Variants in AKT2 observed in about 807,000 individuals in gnomAD.
AKT2 encodes the protein AKT serine/threonine kinase 2, also known as RAC-beta serine/threonine-protein kinase.
Under a neutral mutation model 58.6 loss-of-function variants are expected in AKT2, and 16 were observed. The ratio of observed to expected loss-of-function variants is 0.27; its 90% CI spans 0.18 to 0.41. The LOEUF is 0.41. AKT2 is among the 10% of genes least tolerant of loss of function. The probability of loss-of-function intolerance (pLI) is 1.00; values close to 1 mark genes in which losing one functional copy is unlikely to be tolerated. For missense variants in AKT2, 438 were observed against 661.0 expected, an observed-to-expected ratio of 0.66 and a Z score of 3.70; for synonymous variants, 253 against 254.0, an observed-to-expected ratio of 1.00 and a Z score of 0.04.
At chr19:40,253,002 G>A (rs1301646622) in intron 4 of AKT2, among the ~76,000 whole-genome samples, 1 of 152,162 alleles carries the variant, frequency 6.6e-6, no homozygotes, top group Non-Finnish European at 1.5e-5. Flanking sequence ...AATAATTATA[G>A]TATAGATTAT....
rs1227008931 is a variant in AKT2 at position 40,237,223 on chromosome 19, T to C, written c.831+746A>G. The C allele has an allele frequency of 6.5e-6, 1 of 153,924 alleles. No homozygotes were observed. Among genetic ancestry groups the C allele is most frequent in the Non-Finnish European group, 1.4e-5 (1 of 69,314 alleles). 9.5% of individuals were successfully genotyped at this position (153,924 alleles called of 1,614,324 possible). ...CAGTGGATACTTGGGTTGTTCCAGT[T>C]GGGGCTAGAGTAAGTCCTGCTGCTG... On this transcript the variant is annotated intron_variant, in intron 9 of 13. Coordinates refer to ENST00000392038, the MANE Select transcript of AKT2 (RefSeq NM_001626.6). This position sits in a 1 kb window ranked among gnomAD's most constrained non-coding sequence, Gnocchi z 4.5.
At position 40,230,868 on chromosome 19, in the gene AKT2, T is replaced by A. The variant is rs1208679809; in HGVS notation, c.*3004A>T. Reference sequence around the variant, plus strand: ...TCCAAGTTAGCTGGGATTGCAGGCATGCACCACCATGCCCAGCTAATTTTT... The same window carrying A: ...TCCAAGTTAGCTGGGATTGCAGGCAAGCACCACCATGCCCAGCTAATTTTT... On this transcript the variant is annotated 3_prime_UTR_variant, in exon 14 of 14. Coordinates refer to ENST00000392038, the MANE Select transcript of AKT2 (RefSeq NM_001626.6). 1 of 187,290 alleles carries A rather than the reference T, an allele frequency of 5.3e-6. No individual in the cohort carries two copies. The highest frequency in any genetic ancestry group is 2.3e-5 in the African/African-American group (1 of 42,670). 11.6% of individuals were successfully genotyped at this position (187,290 alleles called of 1,614,324 possible).
At chr19:40,259,656 G>T (rs981244654) in intron 2 of AKT2, among the ~76,000 whole-genome samples, 10 of 152,012 alleles carry the variant, frequency 6.6e-5, no homozygotes, top group African/African-American at 2.4e-4. Flanking sequence ...CTACAGAATG[G>T]GTGGAAATAC....
intron 2 of AKT2, among the ~76,000 whole-genome samples, chr19:40,264,495 G>A (rs1398181499): frequency 6.6e-6 from 1 of 152,162 alleles, no homozygotes; most frequent in Non-Finnish European, 1.5e-5. Context: ...GCGCGACACA[G>A]CTGGACTCCG....
intron 1 of AKT2, chr19:40,282,558 G>C (rs780383046): frequency 3.8e-6 from 2 of 532,324 alleles, no homozygotes; most frequent in Admixed American, 3.9e-5. Flanking sequence ...TAAGAGGAAG[G>C]AAAGACATAG....
chr19:40,274,588 G>T, intron 1 of AKT2: 1 of 174,788 alleles, frequency 5.7e-6, no homozygotes, highest in Middle Eastern at 2.9e-3. Context: ...ATTCAGTGCA[G>T]GGAAAGGGAG....
rs1305487292 is a variant in AKT2 at position 40,254,764 on chromosome 19, G to A, written c.287+394C>T. On this transcript the variant is annotated intron_variant, in intron 4 of 13. Transcript: ENST00000392038. ...AAATCGCTTGAACCCAGGAGGTGGAGGTTGGAGGTTGCAGTGAGCCAAGAT... is the reference window on the plus strand; with the variant it reads ...AAATCGCTTGAACCCAGGAGGTGGAAGTTGGAGGTTGCAGTGAGCCAAGAT... Among the ~76,000 whole-genome samples the A allele has an allele frequency of 4.6e-5, 7 of 152,206 alleles. No individual in the cohort carries two copies. The South Asian group carries it at 6.2e-4, about 14-fold the overall frequency.
rs1973792555 is a variant in AKT2, at chr19:40,233,024, C to G, written c.*848G>C. 1 of 234,344 alleles carries G rather than the reference C, an allele frequency of 4.3e-6. No individual in the cohort carries two copies. The highest frequency in any genetic ancestry group is 5.6e-5 in the Admixed American group (1 of 17,864). The allele number at this position is 234,344 out of a possible 1,614,324, so 14.5% of individuals were successfully genotyped here. Reference sequence around the variant, plus strand: ...CAAGGCTGGTGGCCCTCCACCCCCGCAGAGGAGAGGGTGAGCCCAGCCCAT... The same window carrying G: ...CAAGGCTGGTGGCCCTCCACCCCCGGAGAGGAGAGGGTGAGCCCAGCCCAT... On this transcript the variant is annotated 3_prime_UTR_variant, in exon 14 of 14. Coordinates refer to ENST00000392038, the MANE Select transcript of AKT2 (RefSeq NM_001626.6). This position sits in a 1 kb window ranked among gnomAD's most constrained non-coding sequence, Gnocchi z 4.3.
At chr19:40,254,570 G>A (rs977270334) in intron 4 of AKT2, among the ~76,000 whole-genome samples, 11 of 151,916 alleles carry the variant, frequency 7.2e-5, no homozygotes, top group African/African-American at 2.7e-4. Context: ...GCTTGCACCT[G>A]TAATCCCAGC....
chr19:40,277,675 G>T (rs375451925), intron 1 of AKT2, among the ~76,000 whole-genome samples: 38 of 152,116 alleles, frequency 2.5e-4, no homozygotes, highest in Non-Finnish European at 4.4e-4. Flanking sequence ...ACCCCGTCCA[G>T]CCCACTTCCT....
intron 1 of AKT2, 113 bp downstream of exon 1, chr19:40,285,068 G>A: frequency 2.6e-6 from 1 of 386,188 alleles, no homozygotes; most frequent in Non-Finnish European, 4.6e-6. Flanking sequence ...AGGGGCTCGA[G>A]GGCCGCGGTC....
chr19:40,284,719 A>G (rs1286450844), intron 1 of AKT2: 1 of 152,910 alleles, frequency 6.5e-6, no homozygotes, highest in East Asian at 1.9e-4. Flanking sequence ...CCGTGGTGAT[A>G]TAACCCAGCC....
chr19:40,241,681 C>A, intron 6 of AKT2: 1 of 511,536 alleles, frequency 2.0e-6, no homozygotes, highest in Non-Finnish European at 3.5e-6. Flanking sequence ...CTTGACAGTA[C>A]CTGCTGGGTG....
rs1973783307 is a variant in AKT2, at chr19:40,232,892, C to T, written c.*980G>A. The T allele has an allele frequency of 8.5e-6, 2 of 234,160 alleles. No individual in the cohort carries two copies. Among genetic ancestry groups the T allele is most frequent in the South Asian group, 3.5e-4 (2 of 5,688 alleles). 14.5% of individuals were successfully genotyped at this position (234,160 alleles called of 1,614,324 possible). On this transcript the variant is annotated 3_prime_UTR_variant, in exon 14 of 14. Coordinates refer to ENST00000392038, the MANE Select transcript of AKT2 (RefSeq NM_001626.6). Reference sequence around the variant, plus strand: ...GGGGTGAGGGGGGCCTAGGAGCCTCCCTTTTCAGAGGCCCCCCACCCCAAT... The same window carrying T: ...GGGGTGAGGGGGGCCTAGGAGCCTCTCTTTTCAGAGGCCCCCCACCCCAAT...
In AKT2 at chr19:40,241,984, C is replaced by T. The variant is rs764058037; in HGVS notation, c.527G>A (p.Arg176His). The T allele has an allele frequency of 4.3e-6, 7 of 1,614,082 alleles. No individual in the cohort carries two copies. Among genetic ancestry groups the T allele is most frequent in the East Asian group, 2.2e-5 (1 of 44,896 alleles). The change falls in exon 6 of 14, where the codon CGC (arginine) becomes CAC (histidine). Residue 176 changes from arginine to histidine, a missense_variant. Arg to His is a conservative substitution (Grantham distance 29). Transcript: ENST00000392038. ...VILVREKATG[R>H]YYAMKILRKE... The stretch of plus-strand genomic sequence containing the variant: ...CCGCAGGATCTTCATGGCGTAGTAG[C>T]GGCCAGTGGCCTTCTCCCGCACCAG...
At position 40,233,126 on chromosome 19, in the gene AKT2, C is replaced by T. The variant is rs902029148; in HGVS notation, c.*746G>A. On this transcript the variant is annotated 3_prime_UTR_variant, in exon 14 of 14. Transcript: ENST00000392038. The surrounding 1 kb of genome is among the most constrained non-coding windows in gnomAD (Gnocchi z 4.3). Reference sequence around the variant, plus strand: ...GCTGGAAGGAAGCCCTAGTAAGGCACGGGGCTGGGAGGCAGGCAGGTTTGG... The same window carrying T: ...GCTGGAAGGAAGCCCTAGTAAGGCATGGGGCTGGGAGGCAGGCAGGTTTGG... The T allele has an allele frequency of 8.4e-6, 2 of 237,646 alleles. No homozygotes were observed. Among genetic ancestry groups the T allele is most frequent in the East Asian group, 6.0e-5 (1 of 16,660 alleles). 14.7% of individuals were successfully genotyped at this position (237,646 alleles called of 1,614,324 possible).
Position 40,238,210 on chromosome 19 carries a change from G to C in AKT2, c.709-119C>G. 7.4e-7 allele frequency: 1 copy of C among 1,351,096 alleles called. No individual in the cohort carries two copies. 83.7% of individuals were successfully genotyped at this position (1,351,096 alleles called of 1,614,324 possible). On this transcript the variant is annotated intron_variant, in intron 8 of 13. Transcript: ENST00000392038. This position sits in a 1 kb window ranked among gnomAD's most constrained non-coding sequence, Gnocchi z 5.1. ...TGACACCTGTATCATGAACCAGCAA[G>C]TGACAGCTAGAGGGACCAATCAAGG...
chr19:40,251,729 G>T (rs112851758), intron 4 of AKT2, among the ~76,000 whole-genome samples: 1 of 151,910 alleles, frequency 6.6e-6, no homozygotes, highest in East Asian at 1.9e-4. Flanking sequence ...ATTCAAGTAC[G>T]GCATGGATAA....
chr19:40,263,859 G>A (rs1168578747), intron 2 of AKT2, among the ~76,000 whole-genome samples: 2 of 152,172 alleles, frequency 1.3e-5, no homozygotes, highest in East Asian at 3.9e-4. Context: ...GTCGCCTCTG[G>A]CATAACTGTG....
Sources: allele counts gnomAD v4.1 joint callset (sites outside exome capture counted in the v4.1 genomes callset), GRCh38; gene constraint gnomAD v4.1.1; non-coding constraint Gnocchi (gnomAD v3.1); transcripts MANE v1.5; gene names NCBI Gene and HGNC (gene_info 2026-07-23, HGNC 2026-07-21).